The following PPARGC1A variants were observed in gnomAD, a reference collection of about 807,000 sequenced individuals.
PPARGC1A encodes the protein peroxisome proliferator-activated receptor gamma coactivator 1-alpha.
PPARGC1A carries 25 observed loss-of-function variants against 88.7 expected under a neutral mutation model. That is an observed-to-expected ratio of 0.28 (90% CI 0.21 to 0.39). The LOEUF is 0.39. Ranked by LOEUF, PPARGC1A falls within the 10% of genes least tolerant of loss-of-function variation. PPARGC1A has a pLI of 1.00. For missense variants in PPARGC1A, 880 were observed against 968.7 expected (o/e 0.91, Z 1.22); for synonymous variants, 363 against 355.6 (o/e 1.02, Z -0.24).
chr4:23,999,260 T>C, the PPARGC1A span, among the ~76,000 whole-genome samples: 1 of 152,354 alleles, frequency 6.6e-6, no homozygotes, highest in African/African-American at 2.4e-5. Flanking sequence ...GCATTGTCTG[T>C]TTGCTACCAG....
the PPARGC1A span, among the ~76,000 whole-genome samples, chr4:24,235,465 TAAC>T: frequency 6.6e-6 from 1 of 152,256 alleles, no homozygotes; most frequent in South Asian, 2.1e-4. Flanking sequence ...TCTCTGTAAT[TAAC>T]AATAAGCCTC....
At chr4:24,387,925 A>G in the PPARGC1A span, among the ~76,000 whole-genome samples, 1 of 11,780 alleles carries the variant, frequency 8.5e-5, no homozygotes. Context: ...AAAGAAAGAA[A>G]GAAAGAAAGA....
At chr4:24,189,209 C>T in the PPARGC1A span, among the ~76,000 whole-genome samples, 2 of 152,220 alleles carry the variant, frequency 1.3e-5, no homozygotes, top group African/African-American at 4.8e-5. Flanking sequence ...AAGATGAAAA[C>T]AGTTCCGGAG....
intron 12 of PPARGC1A, among the ~76,000 whole-genome samples, chr4:23,799,920 T>A (rs1187857464): frequency 6.6e-6 from 1 of 152,192 alleles, no homozygotes; most frequent in Non-Finnish European, 1.5e-5. Context: ...CAATCCGTCT[T>A]GACTGTTTTT....
the PPARGC1A span, among the ~76,000 whole-genome samples, chr4:24,177,049 G>C: frequency 6.6e-6 from 1 of 152,186 alleles, no homozygotes; most frequent in African/African-American, 2.4e-5. Flanking sequence ...CATTGTGGAA[G>C]TCAGTGTGGT....
chr4:24,324,300 G>C, the PPARGC1A span, among the ~76,000 whole-genome samples: 1 of 152,050 alleles, frequency 6.6e-6, no homozygotes, highest in Admixed American at 6.5e-5. Flanking sequence ...TTAGCGGCAA[G>C]TCCCGCTTCC....
At chr4:24,355,484 A>T in the PPARGC1A span, among the ~76,000 whole-genome samples, 48 of 152,108 alleles carry the variant, frequency 3.2e-4, no homozygotes, top group Admixed American at 4.6e-4. Flanking sequence ...CCCTTCTGTA[A>T]ATTGGATTTA....
At chr4:23,823,186 G>A (rs1259392447) in intron 7 of PPARGC1A, among the ~76,000 whole-genome samples, 1 of 151,980 alleles carries the variant, frequency 6.6e-6, no homozygotes, top group East Asian at 1.9e-4. Context: ...TGGATGGGTG[G>A]AATTGGAAAA....
At chr4:24,019,716 AC>A in the PPARGC1A span, among the ~76,000 whole-genome samples, 3 of 152,180 alleles carry the variant, frequency 2.0e-5, no homozygotes, top group African/African-American at 7.2e-5. Context: ...TAAGCAAAAG[AC>A]CTGGGACTCA....
At chr4:23,935,059 G>T in the PPARGC1A span, among the ~76,000 whole-genome samples, 1 of 152,152 alleles carries the variant, frequency 6.6e-6, no homozygotes, top group Non-Finnish European at 1.5e-5. Flanking sequence ...TTGGCTCCCA[G>T]CTGGGGATCA....
chr4:23,956,358 G>A, the PPARGC1A span, among the ~76,000 whole-genome samples: 1 of 152,080 alleles, frequency 6.6e-6, no homozygotes, highest in Non-Finnish European at 1.5e-5. Context: ...GATGCTGCTG[G>A]TCTTGGGACC....
At chr4:24,130,056 AGTTACTGGG>A in the PPARGC1A span, among the ~76,000 whole-genome samples, 8 of 152,154 alleles carry the variant, frequency 5.3e-5, no homozygotes, top group African/African-American at 1.9e-4. Flanking sequence ...TTAAATGAGG[AGTTACTGGG>A]TGTAACACAC....
chr4:24,255,417 T>G, the PPARGC1A span, among the ~76,000 whole-genome samples: 1 of 152,338 alleles, frequency 6.6e-6, no homozygotes, highest in South Asian at 2.1e-4. Flanking sequence ...TGAAATAGGC[T>G]ATCACATTTT....
At chr4:24,467,932 G>T in the PPARGC1A span, among the ~76,000 whole-genome samples, 1 of 152,184 alleles carries the variant, frequency 6.6e-6, no homozygotes, top group South Asian at 2.1e-4. Flanking sequence ...GTCAAGCCTC[G>T]TGGTAATGTC....
At chr4:23,941,811 ATG>A in the PPARGC1A span, among the ~76,000 whole-genome samples, 1 of 152,132 alleles carries the variant, frequency 6.6e-6, no homozygotes, top group African/African-American at 2.4e-5. Context: ...AACTCACTGC[ATG>A]CACCCAAGCC....
chr4:24,175,152 T>C, the PPARGC1A span, among the ~76,000 whole-genome samples: 4 of 152,172 alleles, frequency 2.6e-5, no homozygotes, highest in Non-Finnish European at 5.9e-5. Flanking sequence ...ACATATCATT[T>C]ACCCAATAGA....
chr4:23,982,337 A>G, the PPARGC1A span, among the ~76,000 whole-genome samples: 1 of 152,212 alleles, frequency 6.6e-6, no homozygotes, highest in Non-Finnish European at 1.5e-5. Context: ...GTTCTAACTC[A>G]TGGTCTAGAG....
chr4:24,000,465 G>A, the PPARGC1A span, among the ~76,000 whole-genome samples: 1 of 151,608 alleles, frequency 6.6e-6, no homozygotes, highest in African/African-American at 2.4e-5. Flanking sequence ...GGGGTCATCA[G>A]GGCATATAAT....
At chr4:23,830,097 A>G (rs990371049) in intron 3 of PPARGC1A, among the ~76,000 whole-genome samples, 1 of 152,108 alleles carries the variant, frequency 6.6e-6, no homozygotes, top group African/African-American at 2.4e-5. Context: ...ATAGATACAC[A>G]TTTTCTTTCT....
Sources: allele counts gnomAD v4.1 joint callset (sites outside exome capture counted in the v4.1 genomes callset), GRCh38; gene constraint gnomAD v4.1.1; transcripts MANE v1.5; gene names NCBI Gene and HGNC (gene_info 2026-07-23, HGNC 2026-07-21).